The following ZNF831 variants were observed in gnomAD, a reference collection of about 807,000 sequenced individuals.
ZNF831 encodes the protein chromosome 20 open reading frame 174.
Under a neutral mutation model 95.8 loss-of-function variants are expected in ZNF831, and 59 were observed. The ratio of observed to expected loss-of-function variants is 0.62; its 90% CI spans 0.50 to 0.77. The LOEUF is 0.77. ZNF831 is among the 30% of genes least tolerant of loss of function. The probability of loss-of-function intolerance (pLI) is 0.00; values close to 1 mark genes in which losing one functional copy is unlikely to be tolerated. For synonymous variants in ZNF831, 961 were observed against 925.5 expected, an observed-to-expected ratio of 1.04 and a Z score of -0.70; for missense variants, 2,205 against 2,164.0, an observed-to-expected ratio of 1.02 and a Z score of -0.38.
intron 4 of ZNF831, among the ~76,000 whole-genome samples, chr20:59,240,566 C>T (rs948618447): frequency 6.6e-6 from 1 of 152,076 alleles, no homozygotes; most frequent in African/African-American, 2.4e-5. Flanking sequence ...CTTTGGGAGG[C>T]TGAGGCGGGC....
Position 59,253,137 on chromosome 20 carries a change from A to C in ZNF831, c.4187A>C (p.Lys1396Thr). The change falls in exon 5 of 6, where the codon AAG becomes ACG. Residue 1396 changes from lysine to threonine, a missense_variant and splice_region_variant. Transcript: ENST00000371030. ...IVREMDKRTV[K>T]DISPSAGEHG... ...AGGGAAATGGACAAACGAACTGTGA[A>C]GGTGGGCATGATGATTTTGAGCTGC... The C allele has an allele frequency of 1.9e-6, 3 of 1,614,014 alleles. No individual in the cohort carries two copies. The highest frequency in any genetic ancestry group is 2.5e-6 in the Non-Finnish European group (3 of 1,179,922).
chr20:59,145,828 C>T (rs529988264), intron 1 of ZNF831, among the ~76,000 whole-genome samples: 9 of 152,134 alleles, frequency 5.9e-5, no homozygotes, highest in Admixed American at 2.0e-4. Context: ...GTGGTATGGT[C>T]GGAAAAGAGG....
intron 2 of ZNF831, among the ~76,000 whole-genome samples, chr20:59,154,573 A>C (rs1331731673): frequency 6.6e-6 from 1 of 152,084 alleles, no homozygotes; most frequent in East Asian, 1.9e-4. Flanking sequence ...TGCTTCTCTT[A>C]ATGACTTTCT....
intron 2 of ZNF831, 27 bp downstream of exon 2, chr20:59,194,784 C>A (rs372602108): frequency 6.5e-7 from 1 of 1,528,648 alleles, no homozygotes; most frequent in East Asian, 2.3e-5. Context: ...CCCCAGGGCC[C>A]GGGGTTGAGA....
At chr20:59,173,209 T>C (rs1220072494) in intron 1 of ZNF831, among the ~76,000 whole-genome samples, 2 of 152,174 alleles carry the variant, frequency 1.3e-5, no homozygotes, top group African/African-American at 4.8e-5. Context: ...CACCTCGAGT[T>C]TTAGGATCCC....
rs1984061886 is a variant in ZNF831 at position 59,195,855 on chromosome 20, C to A, written c.3739-14C>A. On this transcript the variant is annotated splice_polypyrimidine_tract_variant and intron_variant, in intron 2 of 5. Transcript: ENST00000371030. The stretch of plus-strand genomic sequence containing the variant: ...CTTTGAGTAATGTGATGCCAACATG[C>A]TTGGTGTTTTCAGTTCTCCTACCCA... The A allele has an allele frequency of 6.2e-7, 1 of 1,609,310 alleles. No individual in the cohort carries two copies. The highest frequency in any genetic ancestry group is 1.3e-5 in the African/African-American group (1 of 74,656).
intron 4 of ZNF831, among the ~76,000 whole-genome samples, chr20:59,230,339 G>A (rs1257856663): frequency 2.6e-5 from 4 of 152,138 alleles, no homozygotes; most frequent in African/African-American, 9.7e-5. Flanking sequence ...GGGCATGGTG[G>A]CGGGTGCCTG....
intron 4 of ZNF831, among the ~76,000 whole-genome samples, chr20:59,212,638 A>T (rs1332554316): frequency 2.0e-5 from 3 of 152,130 alleles, no homozygotes; most frequent in Non-Finnish European, 4.4e-5. Context: ...TGTCTCATTG[A>T]AGGGATTGGT....
At chr20:59,172,075 C>T (rs941346794) in intron 1 of ZNF831, among the ~76,000 whole-genome samples, 3 of 152,186 alleles carry the variant, frequency 2.0e-5, no homozygotes, top group Non-Finnish European at 4.4e-5. Context: ...GGTCTGCAAA[C>T]TGCCTTAGTT....
At chr20:59,234,324 C>A (rs1214102703) in intron 4 of ZNF831, among the ~76,000 whole-genome samples, 3 of 149,630 alleles carry the variant, frequency 2.0e-5, no homozygotes, top group African/African-American at 7.5e-5. Flanking sequence ...GGTGTGTGAC[C>A]AAGGTCCCAT....
At position 59,172,210 on chromosome 20, in the gene ZNF831, C is replaced by A. The variant is rs146215578; in HGVS notation, c.-37+8003C>A. Among the ~76,000 whole-genome samples the A allele has an allele frequency of 1.2e-4, 19 of 152,270 alleles. No individual in the cohort carries two copies. The East Asian group carries it at 3.7e-3, about 29-fold the overall frequency. ...TAGTAGACTGACTGGTCTTTCCCTC[C>A]GAGGGACAACGTGATCAGTTAGTTA... On this transcript the variant is annotated intron_variant, in intron 1 of 5. Coordinates refer to ENST00000371030, the MANE Select transcript of ZNF831 (RefSeq NM_178457.3).
chr20:59,164,815 A>G (rs909125629), intron 1 of ZNF831, among the ~76,000 whole-genome samples: 3 of 152,208 alleles, frequency 2.0e-5, no homozygotes, highest in Non-Finnish European at 4.4e-5. Context: ...CAGATCAGCC[A>G]TGGAAGCCAT....
intron 4 of ZNF831, among the ~76,000 whole-genome samples, chr20:59,210,104 T>C (rs907974332): frequency 6.6e-6 from 1 of 152,172 alleles, no homozygotes; most frequent in Non-Finnish European, 1.5e-5. Flanking sequence ...AATGTGTTTG[T>C]AAACAAAAAA....
intron 4 of ZNF831, among the ~76,000 whole-genome samples, chr20:59,244,740 C>T (rs984408978): frequency 2.6e-5 from 4 of 152,162 alleles, no homozygotes; most frequent in African/African-American, 4.8e-5. Flanking sequence ...ATGTAGTAAT[C>T]GCCAATTCTT....
intron 1 of ZNF831, among the ~76,000 whole-genome samples, chr20:59,128,235 A>T (rs985962367): frequency 3.9e-5 from 6 of 152,220 alleles, no homozygotes; most frequent in African/African-American, 1.4e-4. Context: ...GGTGTTTTTT[A>T]AAAAATCAGG....
At chr20:59,134,407 G>C (rs1434280792) in intron 1 of ZNF831, among the ~76,000 whole-genome samples, 1 of 152,232 alleles carries the variant, frequency 6.6e-6, no homozygotes, top group Non-Finnish European at 1.5e-5. Flanking sequence ...GAACGTCATT[G>C]ATTGCTGAAT....
intron 4 of ZNF831, among the ~76,000 whole-genome samples, chr20:59,233,043 C>CACACACACACACAG (rs1308472101): frequency 7.4e-6 from 1 of 134,374 alleles, no homozygotes; most frequent in African/African-American, 2.9e-5. Context: ...CACACACACA[C>CACACACACACACAG]ATAGAGAGAG....
intron 1 of ZNF831, among the ~76,000 whole-genome samples, chr20:59,184,268 T>C (rs936487203): frequency 2.0e-5 from 3 of 152,248 alleles, no homozygotes; most frequent in Admixed American, 6.5e-5. Context: ...GTGTGTTTAC[T>C]GATGTTTACT....
At chr20:59,245,355 G>A (rs1987539442) in intron 4 of ZNF831, among the ~76,000 whole-genome samples, 6 of 152,200 alleles carry the variant, frequency 3.9e-5, no homozygotes, top group Admixed American at 3.9e-4. Flanking sequence ...CAGTTGGCTG[G>A]AGCTAGGGGT....
Sources: allele counts gnomAD v4.1 joint callset (sites outside exome capture counted in the v4.1 genomes callset), GRCh38; gene constraint gnomAD v4.1.1; transcripts MANE v1.5; gene names NCBI Gene and HGNC (gene_info 2026-07-23, HGNC 2026-07-21).